The following GOLIM4 variants were observed in gnomAD, a reference collection of about 807,000 sequenced individuals.
GOLIM4 encodes the protein golgi integral membrane protein 4, also known as 130 kDa golgi-localized phosphoprotein.
Under a neutral mutation model 107.4 loss-of-function variants are expected in GOLIM4, and 71 were observed. The ratio of observed to expected loss-of-function variants is 0.66; its 90% CI spans 0.55 to 0.81. The LOEUF (loss-of-function observed/expected upper bound fraction) is 0.81. Among genes scored for constraint, GOLIM4 ranks in the 30% least tolerant of loss-of-function variants. GOLIM4 has a pLI of 0.00. For synonymous variants in GOLIM4, 327 were observed against 294.8 expected, an observed-to-expected ratio of 1.11 and a Z score of -1.12; for missense variants, 830 against 826.1, an observed-to-expected ratio of 1.00 and a Z score of -0.06.
At chr3:168,025,174 T>C (rs1717928183) in intron 12 of GOLIM4, 79 bp from the exon 13 acceptor site, 1 of 1,127,268 alleles carries the variant, frequency 8.9e-7, no homozygotes, top group South Asian at 1.4e-5. Flanking sequence ...GGCTGCCCAC[T>C]GGCAGAAAAT....
chr3:168,017,598 G>A (rs549492779), intron 14 of GOLIM4, among the ~76,000 whole-genome samples: 2 of 152,216 alleles, frequency 1.3e-5, no homozygotes, highest in Non-Finnish European at 2.9e-5. Flanking sequence ...GGAACTGCCT[G>A]TCTTATTCAA....
Position 168,043,392 on chromosome 3 carries a change from A to T in GOLIM4, c.504T>A (p.Leu168=). 6.2e-7 allele frequency: 1 copy of T among 1,606,106 alleles called. No homozygotes were observed. Among genetic ancestry groups the T allele is most frequent in the Non-Finnish European group, 8.5e-7 (1 of 1,177,242 alleles). ...ATTTCCAAATACCTTTTAGCTTAGA[A>T]AGTTCTTGTTCTTTTTCTTGCTGGA... ...LQLQQEKEQE[L]SKLKETVYNL... The change falls in exon 5 of 16, where the codon CTT becomes CTA. Residue 168 remains leucine (L), a synonymous_variant. Coordinates refer to ENST00000470487, the MANE Select transcript of GOLIM4 (RefSeq NM_014498.5).
At chr3:168,050,860 T>TAATAATAATAATAAA (rs1381308882) in intron 1 of GOLIM4, among the ~76,000 whole-genome samples, 32 of 128,812 alleles carry the variant, frequency 2.5e-4, no homozygotes, top group African/African-American at 9.0e-4. Context: ...ATAATAATAA[T>TAATAATAATAATAAA]AATAATAATA....
chr3:168,027,814 G>C lies in GOLIM4; in HGVS notation c.1537C>G (p.Gln513Glu), dbSNP rs368126514. ...CCTGGATCTCCTTCTGCTTCATCTT[G>C]GTGCTGGTTGTCTCTTTCATAGGCT... Reference protein sequence around the residue: ...EGAYERDNQHQDEAEGDPGNR... With the variant: ...EGAYERDNQHEDEAEGDPGNR... Residue 513 changes from glutamine to glutamate, a missense_variant, in exon 12 of 16, where the codon CAA (glutamine) becomes GAA (glutamate). Coordinates refer to ENST00000470487, the MANE Select transcript of GOLIM4 (RefSeq NM_014498.5). 1.2e-4 allele frequency: 197 copies of C among 1,611,742 alleles called. No homozygotes were observed. The highest frequency in any genetic ancestry group is 1.7e-4 in the Non-Finnish European group (195 of 1,178,204).
chr3:168,095,673 A>T lies in GOLIM4; in HGVS notation c.-388T>A. On this transcript the variant is annotated 5_prime_UTR_variant, in exon 1 of 16. Coordinates refer to ENST00000470487, the MANE Select transcript of GOLIM4 (RefSeq NM_014498.5). ...CAGTTCTTGGAGTCCCGCCCTGGCC[A>T]CTCCCCGCCCTATCGCGGCGGCTCC... 2 of 189,274 alleles carry T rather than the reference A, an allele frequency of 1.1e-5. No individual in the cohort carries two copies. The highest frequency in any genetic ancestry group is 1.1e-5 in the Non-Finnish European group (1 of 92,702). The allele number at this position is 189,274 out of a possible 1,614,324, so 11.7% of individuals were successfully genotyped here.
chr3:168,049,848 C>T (rs1719513211), intron 1 of GOLIM4, among the ~76,000 whole-genome samples: 1 of 152,146 alleles, frequency 6.6e-6, no homozygotes, highest in Admixed American at 6.6e-5. Flanking sequence ...TAGCTTCTCC[C>T]CACACTGTGT....
intron 1 of GOLIM4, among the ~76,000 whole-genome samples, chr3:168,089,834 C>T (rs1160983313): frequency 2.0e-5 from 3 of 149,016 alleles, no homozygotes; most frequent in Non-Finnish European, 3.0e-5. Context: ...AGGGGGGTGA[C>T]TGGGCTCACT....
At position 168,095,694 on chromosome 3, in the gene GOLIM4, GC is replaced by G. The variant is rs376688195; in HGVS notation, c.-410del. The G allele has an allele frequency of 1.4e-3, 261 of 181,656 alleles. 6 individuals are homozygous for G. In the East Asian group the frequency reaches 0.017, roughly 12 times the overall value. 11.3% of individuals were successfully genotyped at this position (181,656 alleles called of 1,614,324 possible). On this transcript the variant is annotated 5_prime_UTR_variant, in exon 1 of 16. Transcript: ENST00000470487. Reference sequence around the variant, plus strand: ...GGCCACTCCCCGCCCTATCGCGGCGGCTCCCACTGCACGACTTTGTTGCCAC... The same window carrying G: ...GGCCACTCCCCGCCCTATCGCGGCGGTCCCACTGCACGACTTTGTTGCCAC...
At position 168,065,519 on chromosome 3, in the gene GOLIM4, G is replaced by A. The variant is rs137968256; in HGVS notation, c.188-17154C>T. Among the ~76,000 whole-genome samples, 203 of 152,242 alleles carry A rather than the reference G, an allele frequency of 1.3e-3. 1 individual carries two copies. The East Asian group carries it at 0.014, about 11-fold the overall frequency. ...CTGTATGTATGACTGTGTAAAATGC[G>A]AACACATTATCCTTTTCTGACACTG... On this transcript the variant is annotated intron_variant, in intron 1 of 15. Transcript: ENST00000470487.
intron 1 of GOLIM4, among the ~76,000 whole-genome samples, chr3:168,057,802 C>T (rs1443157533): frequency 6.6e-6 from 1 of 152,200 alleles, no homozygotes; most frequent in Non-Finnish European, 1.5e-5. Context: ...CCCCTCACTA[C>T]CACTTCAGTC....
chr3:168,094,755 A>G (rs1437936985), intron 1 of GOLIM4, among the ~76,000 whole-genome samples: 1 of 152,246 alleles, frequency 6.6e-6, no homozygotes, highest in Non-Finnish European at 1.5e-5. Context: ...GGCTGGCAGA[A>G]GCGGCGGAGG....
chr3:168,092,204 T>C (rs754735993), intron 1 of GOLIM4, among the ~76,000 whole-genome samples: 11 of 152,194 alleles, frequency 7.2e-5, no homozygotes, highest in Non-Finnish European at 1.2e-4. Context: ...TGGCCAAAGA[T>C]TGTTATTACC....
intron 1 of GOLIM4, among the ~76,000 whole-genome samples, chr3:168,085,931 A>G (rs11928584): frequency 0.089 from 13,623 of 152,214 alleles, 656 homozygotes; most frequent in Non-Finnish European, 0.1. Flanking sequence ...ATCTACAGAT[A>G]AAGAGGAAGC....
chr3:168,082,726 A>AAT (rs2108290544), intron 1 of GOLIM4, among the ~76,000 whole-genome samples: 1 of 152,256 alleles, frequency 6.6e-6, no homozygotes, highest in Admixed American at 6.5e-5. Context: ...TGTCAATATG[A>AAT]ATACCACCAA....
intron 14 of GOLIM4, among the ~76,000 whole-genome samples, chr3:168,012,098 G>C (rs533295001): frequency 8.1e-6 from 1 of 123,030 alleles, no homozygotes; most frequent in Non-Finnish European, 1.5e-5. Flanking sequence ...TCTGAGCTAC[G>C]GGAGGACATT....
At chr3:168,068,736 G>T (rs1313363201) in intron 1 of GOLIM4, among the ~76,000 whole-genome samples, 1 of 151,788 alleles carries the variant, frequency 6.6e-6, no homozygotes, top group Non-Finnish European at 1.5e-5. Flanking sequence ...TGTAAATAAA[G>T]AATAAACACT....
At chr3:168,085,409 C>G (rs1352287320) in intron 1 of GOLIM4, among the ~76,000 whole-genome samples, 2 of 152,182 alleles carry the variant, frequency 1.3e-5, no homozygotes, top group African/African-American at 4.8e-5. Context: ...GATCTTGGCA[C>G]AAGCCCAAAG....
At chr3:168,052,359 T>TGC (rs1425902415) in intron 1 of GOLIM4, among the ~76,000 whole-genome samples, 2 of 151,650 alleles carry the variant, frequency 1.3e-5, no homozygotes, top group African/African-American at 4.9e-5. Context: ...TATGTGCATA[T>TGC]ATATATATAT....
At chr3:168,020,748 C>A (rs1717632639) in intron 14 of GOLIM4, among the ~76,000 whole-genome samples, 2 of 152,142 alleles carry the variant, frequency 1.3e-5, no homozygotes, top group Admixed American at 6.5e-5. Context: ...TAGTTAAATA[C>A]ACATTATTAT....
Sources: allele counts gnomAD v4.1 joint callset (sites outside exome capture counted in the v4.1 genomes callset), GRCh38; gene constraint gnomAD v4.1.1; transcripts MANE v1.5; gene names NCBI Gene and HGNC (gene_info 2026-07-23, HGNC 2026-07-21).